Variants in ERBB4 observed in about 807,000 individuals in gnomAD.
ERBB4 encodes the protein receptor tyrosine-protein kinase erbB-4.
ERBB4 carries 42 observed loss-of-function variants against 158.0 expected under a neutral mutation model. The observed-to-expected ratio is 0.27, with a 90% CI of 0.21 to 0.34. The LOEUF is 0.34. ERBB4 is among the 10% of genes least tolerant of loss of function. The pLI is 1.00. For missense variants in ERBB4, 1,333 were observed against 1,624.1 expected (o/e 0.82, Z 3.08); for synonymous variants, 583 against 558.7 (o/e 1.04, Z -0.61).
Position 211,713,652 on chromosome 2 carries a change from A to AT in ERBB4, c.884-5dup. 1 of 1,446,452 alleles carries AT rather than the reference A, an allele frequency of 6.9e-7. No individual in the cohort carries two copies. Among genetic ancestry groups the AT allele is most frequent in the Non-Finnish European group, 9.6e-7 (1 of 1,041,740 alleles). 89.6% of individuals were successfully genotyped at this position (1,446,452 alleles called of 1,614,324 possible). A position where few individuals can be genotyped will look rare whatever the true frequency, so the allele number is the denominator to read the frequency against. On this transcript the variant is annotated splice_polypyrimidine_tract_variant and splice_region_variant and intron_variant, in intron 7 of 27. Coordinates refer to ENST00000342788, the MANE Select transcript of ERBB4 (RefSeq NM_005235.3). Reference sequence around the variant, plus strand: ...CTGGAATCTACCACAAAGTTATCTGATTAAAAAAAAAAAAAAGGTAAAATA... The same window carrying AT: ...CTGGAATCTACCACAAAGTTATCTGATTTAAAAAAAAAAAAAAGGTAAAATA...
intron 1 of ERBB4, among the ~76,000 whole-genome samples, chr2:212,431,349 T>G (rs1218310977): frequency 6.6e-6 from 1 of 151,312 alleles, no homozygotes; most frequent in Admixed American, 6.6e-5. Flanking sequence ...ACTATTTTTA[T>G]TCTTGTTTTC....
chr2:211,387,257 CA>C, intron 26 of ERBB4, 107 bp from the exon 27 acceptor site: 1 of 971,162 alleles, frequency 1.0e-6, no homozygotes. Context: ...AGAGAATAGT[CA>C]TAGTATTTAC....
intron 16 of ERBB4, among the ~76,000 whole-genome samples, chr2:211,644,696 T>C (rs574739761): frequency 4.6e-4 from 70 of 152,138 alleles, no homozygotes; most frequent in African/African-American, 1.5e-3. Context: ...TGTAATGCTA[T>C]GTATTGTTTA....
intron 1 of ERBB4, among the ~76,000 whole-genome samples, chr2:212,289,844 G>A (rs1160101253): frequency 6.6e-6 from 1 of 152,138 alleles, no homozygotes; most frequent in African/African-American, 2.4e-5. Context: ...CTCAAATTAT[G>A]TCATCCTGAA....
At chr2:212,118,845 T>C (rs2079652363) in intron 2 of ERBB4, among the ~76,000 whole-genome samples, 1 of 152,096 alleles carries the variant, frequency 6.6e-6, no homozygotes, top group Non-Finnish European at 1.5e-5. Flanking sequence ...CATAATAACA[T>C]GCATTTGTTA....
chr2:211,859,514 G>T (rs2077958766), intron 3 of ERBB4, among the ~76,000 whole-genome samples: 1 of 152,064 alleles, frequency 6.6e-6, no homozygotes, highest in Non-Finnish European at 1.5e-5. Context: ...TTCTTTAAAA[G>T]ATGTGTTATG....
At chr2:212,460,006 G>C (rs902134382) in intron 1 of ERBB4, among the ~76,000 whole-genome samples, 10 of 152,126 alleles carry the variant, frequency 6.6e-5, no homozygotes, top group African/African-American at 2.4e-4. Context: ...AATCATGAGG[G>C]TAAGTCTTTC....
chr2:212,036,329 C>A (rs940140971), intron 2 of ERBB4, among the ~76,000 whole-genome samples: 3 of 151,932 alleles, frequency 2.0e-5, no homozygotes, highest in African/African-American at 4.8e-5. Flanking sequence ...ATGAAAGCTG[C>A]AATTGTTTCT....
chr2:212,181,369 T>C (rs935672537), intron 1 of ERBB4, among the ~76,000 whole-genome samples: 2 of 151,724 alleles, frequency 1.3e-5, no homozygotes, highest in African/African-American at 4.8e-5. Flanking sequence ...TATGTGTGAA[T>C]ATGTACGTAC....
At chr2:212,170,808 T>C (rs1575741899) in intron 1 of ERBB4, among the ~76,000 whole-genome samples, 1 of 152,118 alleles carries the variant, frequency 6.6e-6, no homozygotes, top group Non-Finnish European at 1.5e-5. Flanking sequence ...TCAGAGGATG[T>C]ATGGAAACAC....
At chr2:212,291,454 A>G (rs1370560826) in intron 1 of ERBB4, among the ~76,000 whole-genome samples, 2 of 152,090 alleles carry the variant, frequency 1.3e-5, no homozygotes, top group African/African-American at 2.4e-5. Flanking sequence ...ATTAAAATTA[A>G]GTTAATTTTG....
intron 15 of ERBB4, among the ~76,000 whole-genome samples, chr2:211,659,068 T>C (rs1255710280): frequency 6.6e-6 from 1 of 152,130 alleles, no homozygotes; most frequent in African/African-American, 2.4e-5. Context: ...AGGATCATCA[T>C]ACAATGATGT....
chr2:212,148,845 A>T (rs1005224828), intron 1 of ERBB4, among the ~76,000 whole-genome samples: 3 of 145,174 alleles, frequency 2.1e-5, no homozygotes, highest in Non-Finnish European at 4.5e-5. Flanking sequence ...ATAAAAAATG[A>T]TGAGTTCATG....
Position 211,942,009 on chromosome 2 carries a change from G to A in ERBB4, c.421+5421C>T, listed in dbSNP as rs142694153. On this transcript the variant is annotated intron_variant, in intron 3 of 27. Coordinates refer to ENST00000342788, the MANE Select transcript of ERBB4 (RefSeq NM_005235.3). ...AGATAAAGAATCTGAGTCTCAGAGA[G>A]ACACCCAGACTGTAGGTGGTAGGCC... Among the ~76,000 whole-genome samples, 607 of 152,214 alleles carry A rather than the reference G, an allele frequency of 4.0e-3. 8 individuals carry two copies. The highest frequency in any genetic ancestry group is 0.014 in the African/African-American group (566 of 41,508).
intron 2 of ERBB4, among the ~76,000 whole-genome samples, chr2:212,092,753 T>C (rs188849747): frequency 6.6e-6 from 1 of 152,202 alleles, no homozygotes; most frequent in East Asian, 1.9e-4. Context: ...AGGCAATAAG[T>C]TGGAGTTGAA....
chr2:212,155,207 G>A (rs1012714187), intron 1 of ERBB4, among the ~76,000 whole-genome samples: 3 of 151,774 alleles, frequency 2.0e-5, no homozygotes, highest in East Asian at 1.9e-4. Context: ...ATGTTGATGC[G>A]ACAAATAATA....
At chr2:211,796,235 T>C (rs1205273857) in intron 3 of ERBB4, among the ~76,000 whole-genome samples, 1 of 151,908 alleles carries the variant, frequency 6.6e-6, no homozygotes, top group Non-Finnish European at 1.5e-5. Flanking sequence ...GTATTTTACG[T>C]ATATAGAATC....
intron 2 of ERBB4, among the ~76,000 whole-genome samples, chr2:212,036,583 G>T (rs572088725): frequency 5.3e-5 from 8 of 151,750 alleles, no homozygotes; most frequent in African/African-American, 1.5e-4. Flanking sequence ...TCCTGCCTCA[G>T]CCTCCTGAGT....
intron 2 of ERBB4, among the ~76,000 whole-genome samples, chr2:212,016,156 T>A (rs921385875): frequency 1.4e-4 from 21 of 149,072 alleles, no homozygotes; most frequent in South Asian, 1.1e-3. Context: ...ATATATATAT[T>A]TTAACTTTTT....
Sources: allele counts gnomAD v4.1 joint callset (sites outside exome capture counted in the v4.1 genomes callset), GRCh38; gene constraint gnomAD v4.1.1; transcripts MANE v1.5; gene names NCBI Gene and HGNC (gene_info 2026-07-23, HGNC 2026-07-21).